Variants in CELF2 observed in about 807,000 individuals in gnomAD.
CELF2 encodes CUGBP Elav-like family member 2, also known as CUG triplet repeat RNA-binding protein 2.
CELF2 carries 8 observed loss-of-function variants against 62.6 expected under a neutral mutation model. That is an observed-to-expected ratio of 0.13 (90% CI 0.07 to 0.23). The LOEUF (loss-of-function observed/expected upper bound fraction) is 0.23, where lower values mean the gene tolerates loss of function less well. CELF2 is among the 10% of genes least tolerant of loss of function. The pLI is 1.00. For missense variants in CELF2, 333 were observed against 671.0 expected, an observed-to-expected ratio of 0.50 and a Z score of 5.56; for synonymous variants, 258 against 250.0, an observed-to-expected ratio of 1.03 and a Z score of -0.30.
At position 11,012,546 on chromosome 10, in the gene CELF2, C is replaced by T. The variant is rs1034404101; in HGVS notation, c.53+7106C>T. Among the ~76,000 whole-genome samples, 1 of 152,204 alleles carries T rather than the reference C, an allele frequency of 6.6e-6. No homozygotes were observed. The highest frequency in any genetic ancestry group is 1.5e-5 in the Non-Finnish European group (1 of 68,044). Reference sequence around the variant, plus strand: ...TCCATTTCTCTTCCTTTCACCCCACCTGTTGCTGCCTTCTCCGGGACCGAA... The same window carrying T: ...TCCATTTCTCTTCCTTTCACCCCACTTGTTGCTGCCTTCTCCGGGACCGAA... On this transcript the variant is annotated intron_variant, in intron 1 of 12. Coordinates refer to the CELF2 transcript ENST00000416382. The surrounding 1 kb of genome is among the most constrained non-coding windows in gnomAD (Gnocchi z 5.5).
chr10:10,561,757 G>A, the CELF2 span, among the ~76,000 whole-genome samples: 1 of 152,058 alleles, frequency 6.6e-6, no homozygotes, highest in African/African-American at 2.4e-5. Flanking sequence ...ACATATCTGA[G>A]ATCCTCCCAC....
chr10:11,070,770 G>T (rs2069685291), intron 1 of CELF2, among the ~76,000 whole-genome samples: 1 of 152,188 alleles, frequency 6.6e-6, no homozygotes, highest in African/African-American at 2.4e-5. Context: ...TGTGAAGGAA[G>T]ACAGAGGAGG....
chr10:10,473,135 T>C, the CELF2 span, among the ~76,000 whole-genome samples: 1 of 152,014 alleles, frequency 6.6e-6, no homozygotes, highest in Non-Finnish European at 1.5e-5. Flanking sequence ...AATAAGGTCA[T>C]TGCTGATGCA....
At chr10:11,132,745 C>G (rs1264852895) in intron 1 of CELF2, among the ~76,000 whole-genome samples, 3 of 152,188 alleles carry the variant, frequency 2.0e-5, no homozygotes, top group Non-Finnish European at 4.4e-5. Flanking sequence ...CACAGTGTTA[C>G]ATAATCACAC....
At chr10:10,513,678 T>C in the CELF2 span, among the ~76,000 whole-genome samples, 1 of 152,140 alleles carries the variant, frequency 6.6e-6, no homozygotes, top group Non-Finnish European at 1.5e-5. Flanking sequence ...AAAAGGTGTA[T>C]CTTAAATCTC....
chr10:10,887,335 T>C lies in CELF2; in HGVS notation c.54-32629T>C, dbSNP rs559908441. Among the ~76,000 whole-genome samples the C allele has an allele frequency of 7.2e-5, 11 of 152,308 alleles. 1 individual carries two copies. In the South Asian group the frequency reaches 1.0e-3, roughly 14 times the overall value. On this transcript the variant is annotated intron_variant, in intron 1 of 13. Coordinates refer to the CELF2 transcript ENST00000636488. ...TGTGATTAATAGGACTCTTTCACCA[T>C]TGACTTCACTGGGCTCCAGCCTACG...
rs1327283652 is a variant in CELF2, at chr10:10,972,377, T to G, written c.89+52378T>G. On this transcript the variant is annotated intron_variant, in intron 2 of 13. Coordinates refer to the CELF2 transcript ENST00000636488. This position sits in a 1 kb window ranked among gnomAD's most constrained non-coding sequence, Gnocchi z 4.4. Reference sequence around the variant, plus strand: ...TTTGCTTTAACCTGGAAAACTCATCTTATTTAAAACTAGGAATATCCTCTG... The same window carrying G: ...TTTGCTTTAACCTGGAAAACTCATCGTATTTAAAACTAGGAATATCCTCTG... Among the ~76,000 whole-genome samples, 2 of 152,200 alleles carry G rather than the reference T, an allele frequency of 1.3e-5. No homozygotes were observed. Among genetic ancestry groups the G allele is most frequent in the Non-Finnish European group, 2.9e-5 (2 of 68,030 alleles).
At chr10:11,327,326 T>C (rs1489577901) in intron 12 of CELF2, among the ~76,000 whole-genome samples, 1 of 152,182 alleles carries the variant, frequency 6.6e-6, no homozygotes, top group African/African-American at 2.4e-5. Context: ...GGAATTCTGC[T>C]TCATGATTTG....
chr10:10,826,171 CA>C (rs1410075230), intron 1 of CELF2, among the ~76,000 whole-genome samples: 18 of 142,850 alleles, frequency 1.3e-4, no homozygotes, highest in South Asian at 4.5e-4. Flanking sequence ...TTGGATGGGG[CA>C]AAAAAAAAAC....
intron 2 of CELF2, among the ~76,000 whole-genome samples, chr10:11,205,560 G>C (rs559864574): frequency 6.6e-6 from 1 of 152,286 alleles, no homozygotes; most frequent in Admixed American, 6.5e-5. Flanking sequence ...AAGAACCAGA[G>C]GCTTAGGGAG....
At chr10:10,535,860 G>T in the CELF2 span, among the ~76,000 whole-genome samples, 1 of 152,062 alleles carries the variant, frequency 6.6e-6, no homozygotes, top group East Asian at 1.9e-4. Context: ...AAATATCAAG[G>T]TGTTACATAA....
chr10:10,706,868 A>T, the CELF2 span, among the ~76,000 whole-genome samples: 2 of 152,228 alleles, frequency 1.3e-5, no homozygotes, highest in Non-Finnish European at 2.9e-5. Flanking sequence ...AGCCATGCAA[A>T]GATATTACCA....
the CELF2 span, among the ~76,000 whole-genome samples, chr10:10,674,609 C>A: frequency 6.6e-6 from 1 of 152,154 alleles, no homozygotes; most frequent in Non-Finnish European, 1.5e-5. Context: ...TTTTCTTCCA[C>A]TTCTTTTCTG....
chr10:10,896,504 G>A (rs2062564935), intron 1 of CELF2, among the ~76,000 whole-genome samples: 2 of 151,618 alleles, frequency 1.3e-5, no homozygotes, highest in South Asian at 4.2e-4. Flanking sequence ...GTTAAGATGG[G>A]GTCACACTAG....
chr10:11,160,741 G>A (rs1383511213), intron 1 of CELF2, among the ~76,000 whole-genome samples: 1 of 151,596 alleles, frequency 6.6e-6, no homozygotes, highest in Non-Finnish European at 1.5e-5. Context: ...CTAAGACAAG[G>A]CTTTTTTGTG....
At chr10:11,066,003 G>A (rs1223154080) in intron 1 of CELF2, among the ~76,000 whole-genome samples, 2 of 152,194 alleles carry the variant, frequency 1.3e-5, no homozygotes, top group Non-Finnish European at 2.9e-5. Context: ...GCCCCATACA[G>A]CAGGAATGCA....
chr10:11,026,006 G>T (rs1246038164), intron 1 of CELF2, among the ~76,000 whole-genome samples: 1 of 152,144 alleles, frequency 6.6e-6, no homozygotes, highest in Non-Finnish European at 1.5e-5. Flanking sequence ...GGCTTCTTCT[G>T]TTTCTCAGTG....
chr10:10,746,899 C>T, the CELF2 span, among the ~76,000 whole-genome samples: 1 of 152,312 alleles, frequency 6.6e-6, no homozygotes, highest in African/African-American at 2.4e-5. Flanking sequence ...AAAGCATCAC[C>T]TTTGCTGCCT....
intron 2 of CELF2, among the ~76,000 whole-genome samples, chr10:11,203,558 A>T (rs1050258401): frequency 6.6e-6 from 1 of 152,220 alleles, no homozygotes; most frequent in Non-Finnish European, 1.5e-5. Context: ...GCCAGGCTTT[A>T]TCGGGAACCA....
Sources: gnomAD v4.1 joint callset for allele counts (sites outside exome capture counted in the v4.1 genomes callset) on GRCh38, gnomAD v4.1.1 for gene constraint, Gnocchi (gnomAD v3.1) non-coding constraint, MANE v1.5 for transcripts, NCBI Gene and HGNC (gene_info 2026-07-23, HGNC 2026-07-21) for gene names.